The following PRRX1 variants were observed in gnomAD, a reference collection of about 807,000 sequenced individuals.
PRRX1 encodes the protein paired mesoderm homeobox protein 1.
PRRX1 carries 8 observed loss-of-function variants against 24.0 expected under a neutral mutation model. The observed-to-expected ratio is 0.33, with a 90% confidence interval of 0.20 to 0.60. PRRX1 has a LOEUF of 0.60. Among genes scored for constraint, PRRX1 ranks in the 20% least tolerant of loss-of-function variants. PRRX1 has a pLI of 0.82. For missense variants in PRRX1, 281 were observed against 322.4 expected (o/e 0.87, Z 0.98); for synonymous variants, 160 against 131.7 (o/e 1.22, Z -1.47).
chr1:170,688,734 C>A (rs1653827714), intron 1 of PRRX1, among the ~76,000 whole-genome samples: 1 of 152,048 alleles, frequency 6.6e-6, no homozygotes, highest in Non-Finnish European at 1.5e-5. Context: ...CTGATTTTTG[C>A]ACCCATTTAA....
At chr1:170,707,199 G>C (rs2101908632) in intron 1 of PRRX1, among the ~76,000 whole-genome samples, 1 of 152,024 alleles carries the variant, frequency 6.6e-6, no homozygotes, top group South Asian at 2.1e-4. Context: ...AATCCTTCTA[G>C]TCAAGAAGCT....
At chr1:170,669,425 C>CAAAAATAAAAAAAAAAAAAAAA in intron 1 of PRRX1, 1 of 22,298 alleles carries the variant, frequency 4.5e-5, no homozygotes, top group Non-Finnish European at 6.9e-5. Flanking sequence ...CTCCCCACTG[C>CAAAAATAAAAAAAAAAAAAAAA]AAAAAAAAAA....
At chr1:170,670,299 G>A (rs1006936724) in intron 1 of PRRX1, among the ~76,000 whole-genome samples, 1 of 152,150 alleles carries the variant, frequency 6.6e-6, no homozygotes, top group East Asian at 1.9e-4. Context: ...GTATCCACAA[G>A]AATTTGGATT....
In PRRX1 at chr1:170,736,269, G is replaced by C. The variant is rs1204649078; in HGVS notation, c.*83G>C. On this transcript the variant is annotated 3_prime_UTR_variant, in exon 4 of 4. Transcript: ENST00000239461. The stretch of plus-strand genomic sequence containing the variant: ...CTGCTCTGTTATTTCTTCATCTGCT[G>C]GGGGGAAAAAGTAAATTACAAACAA... 1.3e-6 allele frequency: 2 copies of C among 1,549,014 alleles called. No homozygotes were observed. The highest frequency in any genetic ancestry group is 2.7e-5 in the African/African-American group (2 of 72,898).
chr1:170,675,175 A>T (rs1653274274), intron 1 of PRRX1, among the ~76,000 whole-genome samples: 1 of 152,208 alleles, frequency 6.6e-6, no homozygotes, highest in African/African-American at 2.4e-5. Flanking sequence ...CAGTGGGTAC[A>T]TTTTCAGCAG....
At chr1:170,681,833 C>A (rs567660502) in intron 1 of PRRX1, among the ~76,000 whole-genome samples, 2 of 151,992 alleles carry the variant, frequency 1.3e-5, no homozygotes, top group African/African-American at 2.4e-5. Context: ...ATTTGCATCA[C>A]CTAATATTGA....
intron 3 of PRRX1, chr1:170,727,109 G>C (rs1571348607): frequency 6.6e-6 from 1 of 152,150 alleles, no homozygotes; most frequent in African/African-American, 2.4e-5. Flanking sequence ...GTGCGTGTGT[G>C]TGTGTGTCTG....
chr1:170,733,813 A>C (rs745985494), intron 3 of PRRX1, among the ~76,000 whole-genome samples: 1 of 152,128 alleles, frequency 6.6e-6, no homozygotes, highest in Non-Finnish European at 1.5e-5. Flanking sequence ...TTTTGAATAT[A>C]GGTTTTGTGG....
intron 1 of PRRX1, among the ~76,000 whole-genome samples, chr1:170,681,523 G>A (rs1653508590): frequency 1.3e-5 from 2 of 149,614 alleles, no homozygotes; most frequent in Non-Finnish European, 3.0e-5. Context: ...AATAGCACTA[G>A]ACATTTAGAT....
At chr1:170,719,933 T>C in intron 2 of PRRX1, 32 bp downstream of exon 2, 2 of 1,611,392 alleles carry the variant, frequency 1.2e-6, no homozygotes, top group South Asian at 1.1e-5. Context: ...TGGCACCAAG[T>C]AGTACCCTCC....
chr1:170,689,066 T>A (rs1246709042), intron 1 of PRRX1, among the ~76,000 whole-genome samples: 1 of 152,184 alleles, frequency 6.6e-6, no homozygotes, highest in Non-Finnish European at 1.5e-5. Flanking sequence ...GATCTGAAGT[T>A]GTATTTAATC....
chr1:170,733,481 A>C (rs918923059), intron 3 of PRRX1, among the ~76,000 whole-genome samples: 4 of 152,162 alleles, frequency 2.6e-5, no homozygotes, highest in Non-Finnish European at 5.9e-5. Context: ...ATTCTATGAC[A>C]ATCTACAATT....
intron 1 of PRRX1, among the ~76,000 whole-genome samples, chr1:170,674,419 T>A (rs1030564586): frequency 2.6e-5 from 4 of 152,212 alleles, no homozygotes; most frequent in Admixed American, 6.5e-5. Context: ...AATCTTCCCA[T>A]GCTTTCTTCC....
intron 1 of PRRX1, among the ~76,000 whole-genome samples, chr1:170,675,955 T>A (rs1296231424): frequency 6.6e-6 from 1 of 152,156 alleles, no homozygotes. Context: ...AATAAAAGTT[T>A]CTGAAGTTCC....
intron 2 of PRRX1, among the ~76,000 whole-genome samples, chr1:170,721,261 G>A (rs1655076430): frequency 6.6e-6 from 1 of 152,228 alleles, no homozygotes; most frequent in African/African-American, 2.4e-5. Flanking sequence ...TTTTGATAAG[G>A]TGGGTAGGTC....
chr1:170,729,959 C>T (rs1655375761), intron 3 of PRRX1, among the ~76,000 whole-genome samples: 1 of 152,196 alleles, frequency 6.6e-6, no homozygotes, highest in South Asian at 2.1e-4. Context: ...TCGTGGGTAG[C>T]AGTGATCAAC....
At chr1:170,727,626 C>A (rs1655296848) in intron 3 of PRRX1, 1 of 152,178 alleles carries the variant, frequency 6.6e-6, no homozygotes, top group Non-Finnish European at 1.5e-5. Flanking sequence ...CTAAAAGTTT[C>A]TTTCTGTTCC....
At chr1:170,735,112 G>T (rs1655562938) in intron 3 of PRRX1, among the ~76,000 whole-genome samples, 1 of 152,166 alleles carries the variant, frequency 6.6e-6, no homozygotes, top group Admixed American at 6.5e-5. Context: ...CTATTTAGTA[G>T]AAAGACTAAT....
At chr1:170,669,252 C>T (rs1653056209) in intron 1 of PRRX1, 1 of 151,754 alleles carries the variant, frequency 6.6e-6, no homozygotes, top group South Asian at 2.1e-4. Flanking sequence ...TTGGCTGAGA[C>T]ACCTAACCCC....
Sources: gnomAD v4.1 joint callset for allele counts (sites outside exome capture counted in the v4.1 genomes callset) on GRCh38, gnomAD v4.1.1 for gene constraint, MANE v1.5 for transcripts, NCBI Gene and HGNC (gene_info 2026-07-23, HGNC 2026-07-21) for gene names.